The following ERBB4 variants were observed in gnomAD, a reference collection of about 807,000 sequenced individuals.
ERBB4 encodes receptor tyrosine-protein kinase erbB-4.
ERBB4 carries 42 observed loss-of-function variants against 158.0 expected under a neutral mutation model. The observed-to-expected ratio is 0.27, with a 90% confidence interval of 0.21 to 0.34. The LOEUF (loss-of-function observed/expected upper bound fraction) is 0.34. ERBB4 is among the 10% of genes least tolerant of loss of function. The probability of loss-of-function intolerance (pLI) is 1.00; values close to 1 mark genes in which losing one functional copy is unlikely to be tolerated. For missense variants in ERBB4, 1,333 were observed against 1,624.1 expected, an observed-to-expected ratio of 0.82 and a Z score of 3.08; for synonymous variants, 583 against 558.7, an observed-to-expected ratio of 1.04 and a Z score of -0.61.
chr2:211,555,977 A>G lies in ERBB4; in HGVS notation c.2487+5926T>C, dbSNP rs2067226369. Among the ~76,000 whole-genome samples the G allele has an allele frequency of 2.0e-5, 3 of 152,304 alleles. No homozygotes were observed. In the South Asian group the frequency reaches 6.2e-4, roughly 32 times the overall value. On this transcript the variant is annotated intron_variant, in intron 20 of 27. Coordinates refer to ENST00000342788, the MANE Select transcript of ERBB4 (RefSeq NM_005235.3). ...TCAAATCCACACATTTCAATACTAAATCTTGAACGTAAATGGGCTAAATGC... is the reference window on the plus strand; with the variant it reads ...TCAAATCCACACATTTCAATACTAAGTCTTGAACGTAAATGGGCTAAATGC...
intron 25 of ERBB4, among the ~76,000 whole-genome samples, chr2:211,402,047 CT>C (rs1328754541): frequency 2.0e-5 from 3 of 151,852 alleles, no homozygotes; most frequent in Non-Finnish European, 2.9e-5. Flanking sequence ...AATACATGGT[CT>C]TATGAACATA....
intron 20 of ERBB4, among the ~76,000 whole-genome samples, chr2:211,542,379 CT>C (rs2066833196): frequency 6.6e-6 from 1 of 151,940 alleles, no homozygotes; most frequent in South Asian, 2.1e-4. Context: ...GAGAAAGGCT[CT>C]TCTTGGATTC....
At chr2:212,059,371 G>C (rs568970219) in intron 2 of ERBB4, among the ~76,000 whole-genome samples, 1 of 152,158 alleles carries the variant, frequency 6.6e-6, no homozygotes, top group Non-Finnish European at 1.5e-5. Context: ...ATTGCCCAAG[G>C]TAATTTAATA....
At chr2:212,259,966 G>A (rs1230317764) in intron 1 of ERBB4, among the ~76,000 whole-genome samples, 1 of 151,942 alleles carries the variant, frequency 6.6e-6, no homozygotes, top group African/African-American at 2.4e-5. Context: ...CTACTCAAGA[G>A]GCTGAGGCAG....
chr2:211,394,423 T>G (rs2062867875), intron 25 of ERBB4, among the ~76,000 whole-genome samples: 1 of 152,134 alleles, frequency 6.6e-6, no homozygotes, highest in African/African-American at 2.4e-5. Flanking sequence ...TATATTCATT[T>G]CCATTAGCAT....
At chr2:211,566,147 T>C (rs1013242065) in intron 19 of ERBB4, among the ~76,000 whole-genome samples, 3 of 152,282 alleles carry the variant, frequency 2.0e-5, no homozygotes, top group East Asian at 3.9e-4. Flanking sequence ...TCCTCTCCAA[T>C]GGCTCAGAGA....
intron 2 of ERBB4, among the ~76,000 whole-genome samples, chr2:212,011,869 AC>A (rs1484798707): frequency 1.3e-5 from 2 of 152,186 alleles, no homozygotes; most frequent in Non-Finnish European, 2.9e-5. Flanking sequence ...CATTGCCTGG[AC>A]CTATTACTTC....
At chr2:211,568,762 C>A (rs976746663) in intron 19 of ERBB4, among the ~76,000 whole-genome samples, 1 of 151,944 alleles carries the variant, frequency 6.6e-6, no homozygotes, top group South Asian at 2.1e-4. Flanking sequence ...GATTTGTGAG[C>A]GCTTGAAAGA....
intron 2 of ERBB4, among the ~76,000 whole-genome samples, chr2:212,068,197 G>T (rs1435722940): frequency 6.6e-6 from 1 of 151,894 alleles, no homozygotes; most frequent in Non-Finnish European, 1.5e-5. Flanking sequence ...AACATCAAAT[G>T]GTCTCTGTCC....
chr2:212,152,502 A>G (rs555561275), intron 1 of ERBB4, among the ~76,000 whole-genome samples: 32 of 151,726 alleles, frequency 2.1e-4, no homozygotes, highest in Admixed American at 2.0e-3. Context: ...CTTCTTTGCG[A>G]CTCTACCATA....
intron 25 of ERBB4, among the ~76,000 whole-genome samples, chr2:211,412,420 A>C (rs1403937646): frequency 6.6e-6 from 1 of 152,194 alleles, no homozygotes; most frequent in African/African-American, 2.4e-5. Flanking sequence ...CTAGATAATC[A>C]GCCTCCACAA....
intron 2 of ERBB4, among the ~76,000 whole-genome samples, chr2:211,959,680 A>G (rs1376291157): frequency 6.6e-6 from 1 of 152,108 alleles, no homozygotes; most frequent in African/African-American, 2.4e-5. Flanking sequence ...CATATAGATT[A>G]CTTGCAAGGT....
rs140882904 is a variant in ERBB4 at position 212,168,678 on chromosome 2, A to T, written c.83-43775T>A. ...CTTATCCCAGAAGGCTTCATGTAGC[A>T]CATGACATTTGAACCAGGTTTGACA... On this transcript the variant is annotated intron_variant, in intron 1 of 27. Transcript: ENST00000342788. Among the ~76,000 whole-genome samples the T allele has an allele frequency of 6.3e-3, 957 of 152,298 alleles. 4 individuals are homozygous for T. Among genetic ancestry groups the T allele is most frequent in the African/African-American group, 0.016 (655 of 41,586 alleles).
intron 2 of ERBB4, among the ~76,000 whole-genome samples, chr2:211,976,090 T>C (rs1281008618): frequency 6.6e-6 from 1 of 152,192 alleles, no homozygotes; most frequent in East Asian, 1.9e-4. Context: ...TTTTATTTTC[T>C]TCTATTGTTG....
intron 20 of ERBB4, among the ~76,000 whole-genome samples, chr2:211,490,574 TAG>T (rs2065314714): frequency 6.6e-6 from 1 of 151,996 alleles, no homozygotes; most frequent in Non-Finnish European, 1.5e-5. Flanking sequence ...ATGAGCGACC[TAG>T]AGAGAGACTT....
intron 20 of ERBB4, among the ~76,000 whole-genome samples, chr2:211,514,252 G>A (rs929384550): frequency 6.6e-6 from 1 of 151,962 alleles, no homozygotes; most frequent in Non-Finnish European, 1.5e-5. Context: ...TTGTTTCGAT[G>A]TTGCTTCTAA....
intron 2 of ERBB4, among the ~76,000 whole-genome samples, chr2:211,973,780 G>A (rs1054475756): frequency 7.9e-5 from 12 of 152,244 alleles, no homozygotes; most frequent in African/African-American, 2.6e-4. Context: ...GCACATGCAT[G>A]TGTATGTTCA....
chr2:211,728,899 AATG>A (rs922554020), intron 5 of ERBB4, among the ~76,000 whole-genome samples: 41 of 151,960 alleles, frequency 2.7e-4, no homozygotes, highest in African/African-American at 9.9e-4. Flanking sequence ...AAATAATTAC[AATG>A]ATAAGACAAG....
At chr2:211,718,690 A>G (rs189746958) in intron 7 of ERBB4, among the ~76,000 whole-genome samples, 3 of 152,220 alleles carry the variant, frequency 2.0e-5, no homozygotes, top group African/African-American at 7.2e-5. Context: ...ATGAGCAATC[A>G]TATTCTTACA....
Sources: gnomAD v4.1 joint callset for allele counts (sites outside exome capture counted in the v4.1 genomes callset) on GRCh38, gnomAD v4.1.1 for gene constraint, MANE v1.5 for transcripts, NCBI Gene and HGNC (gene_info 2026-07-23, HGNC 2026-07-21) for gene names.